Variants in RBFOX1 observed in about 807,000 individuals in gnomAD.
RBFOX1 encodes the protein RNA binding fox-1 homolog 1, also known as RNA binding protein fox-1 homolog 1.
Under a neutral mutation model 57.7 loss-of-function variants are expected in RBFOX1, and 8 were observed. The ratio of observed to expected loss-of-function variants is 0.14; its 90% confidence interval spans 0.08 to 0.25. The LOEUF is 0.25. Among genes scored for constraint, RBFOX1 ranks in the 10% least tolerant of loss-of-function variants. The probability of loss-of-function intolerance (pLI) is 1.00; values close to 1 mark genes in which losing one functional copy is unlikely to be tolerated. For missense variants in RBFOX1, 611 were observed against 548.5 expected (o/e 1.11, Z -1.14); for synonymous variants, 326 against 222.4 (o/e 1.47, Z -4.15).
intron 4 of RBFOX1, among the ~76,000 whole-genome samples, chr16:7,079,213 A>G (rs8051287): frequency 0.016 from 2,411 of 152,222 alleles, 71 homozygotes; most frequent in African/African-American, 0.055. Flanking sequence ...GCGGGACTGC[A>G]TATGTTTATT....
At chr16:6,555,425 C>T (rs951757147) in intron 2 of RBFOX1, among the ~76,000 whole-genome samples, 9 of 152,234 alleles carry the variant, frequency 5.9e-5, no homozygotes, top group Admixed American at 5.9e-4. Flanking sequence ...TCCAGCTGGG[C>T]ACGGTGGCTC....
chr16:7,419,925 C>CTTTTT lies in RBFOX1; in HGVS notation c.28-98207_28-98203dup, dbSNP rs367626244. On this transcript the variant is annotated intron_variant, in intron 4 of 15. Coordinates refer to ENST00000550418, the MANE Select transcript of RBFOX1 (RefSeq NM_018723.4). Reference sequence around the variant, plus strand: ...AAGGATCTGTTTTCTTTCTTTCTTCCTTTTTTTTTTTTTTTTTTTAATTGT... The same window carrying CTTTTT: ...AAGGATCTGTTTTCTTTCTTTCTTCCTTTTTTTTTTTTTTTTTTTTTTTTAATTGT... 8.8e-3 allele frequency among the ~76,000 whole-genome samples: 897 copies of CTTTTT among 101,408 alleles called. 11 individuals carry two copies. Among genetic ancestry groups the CTTTTT allele is most frequent in the African/African-American group, 0.035 (815 of 23,374 alleles). 66.5% of individuals were successfully genotyped at this position (101,408 alleles called of 152,430 possible).
intron 2 of RBFOX1, among the ~76,000 whole-genome samples, chr16:6,398,361 C>G (rs138102721): frequency 8.1e-4 from 124 of 152,294 alleles, no homozygotes; most frequent in Non-Finnish European, 1.4e-3. Context: ...TCCTTTTCAA[C>G]AGTCCCCCAA....
rs929678177 is a variant in RBFOX1 at position 5,990,846 on chromosome 16, C to T, written c.351+123511C>T. ...AAAATTAGCTGGGTGTGGTGGTGCA[C>T]GCCTGTAGTCCCATCTACTCGGGAG... is the stretch of plus-strand genomic sequence containing the variant. On this transcript the variant is annotated intron_variant, in intron 4 of 19. Transcript: ENST00000641259. Among the ~76,000 whole-genome samples, 50 of 152,132 alleles carry T rather than the reference C, an allele frequency of 3.3e-4. 1 individual carries two copies. Among genetic ancestry groups the T allele is most frequent in the South Asian group, 1.9e-3 (9 of 4,806 alleles).
chr16:6,010,031 T>C (rs2152337201), intron 4 of RBFOX1, among the ~76,000 whole-genome samples: 1 of 152,272 alleles, frequency 6.6e-6, no homozygotes, highest in African/African-American at 2.4e-5. Context: ...CTGGGGTTTT[T>C]CTTTCTTATC....
At chr16:7,433,547 G>T (rs1165308524) in intron 4 of RBFOX1, among the ~76,000 whole-genome samples, 1 of 152,230 alleles carries the variant, frequency 6.6e-6, no homozygotes. Context: ...CTGCATGGAG[G>T]AGGAGGCATC....
At chr16:5,341,709 A>C (rs908112457) in intron 1 of RBFOX1, among the ~76,000 whole-genome samples, 1 of 152,222 alleles carries the variant, frequency 6.6e-6, no homozygotes, top group African/African-American at 2.4e-5. Context: ...CCCTAGGTCC[A>C]TGCATCATAC....
chr16:5,292,291 T>C (rs2063554096), intron 1 of RBFOX1, among the ~76,000 whole-genome samples: 1 of 152,242 alleles, frequency 6.6e-6, no homozygotes, highest in African/African-American at 2.4e-5. Context: ...CAAGCACATT[T>C]GGCATTTCCA....
chr16:6,370,221 G>A (rs1264173267), intron 2 of RBFOX1, among the ~76,000 whole-genome samples: 1 of 151,788 alleles, frequency 6.6e-6, no homozygotes, highest in Non-Finnish European at 1.5e-5. Flanking sequence ...AGCTGGGCGG[G>A]GTGGCGGGCG....
intron 3 of RBFOX1, among the ~76,000 whole-genome samples, chr16:6,810,196 G>A (rs2088110968): frequency 6.6e-6 from 1 of 152,138 alleles, no homozygotes; most frequent in Non-Finnish European, 1.5e-5. Flanking sequence ...GCAACTTGGA[G>A]TGGATTGTTA....
chr16:7,158,466 C>T (rs8060732), intron 4 of RBFOX1, among the ~76,000 whole-genome samples: 135,483 of 152,278 alleles, frequency 0.89, 60,378 homozygotes, highest in East Asian at 1. Flanking sequence ...AATCTCCTGA[C>T]CTTTTTCAGA....
chr16:6,996,954 C>A (rs937143872), intron 3 of RBFOX1, among the ~76,000 whole-genome samples: 3 of 152,006 alleles, frequency 2.0e-5, no homozygotes, highest in Non-Finnish European at 4.4e-5. Flanking sequence ...AATAAATTAT[C>A]AAGAAAGTTT....
At chr16:5,552,326 C>A (rs1340939438) in intron 2 of RBFOX1, among the ~76,000 whole-genome samples, 1 of 152,200 alleles carries the variant, frequency 6.6e-6, no homozygotes, top group Non-Finnish European at 1.5e-5. Flanking sequence ...CAGAGTGTTT[C>A]TGCCTTATTT....
In RBFOX1 at chr16:7,595,138, C is replaced by T. The variant is rs1274579800; in HGVS notation, c.469-411C>T. Among the ~76,000 whole-genome samples, 39 of 152,148 alleles carry T rather than the reference C, an allele frequency of 2.6e-4. 3 individuals carry two copies. The highest frequency in any genetic ancestry group is 2.6e-3 in the Admixed American group (39 of 15,274). On this transcript the variant is annotated intron_variant, in intron 7 of 15. Transcript: ENST00000550418. ...TTGGCATTCATTGTTGAATTTCGTG[C>T]ACACGTTTTATTTTATTTTATTTTT...
intron 1 of RBFOX1, among the ~76,000 whole-genome samples, chr16:6,240,263 G>GTC: frequency 6.6e-6 from 1 of 152,266 alleles, no homozygotes; most frequent in East Asian, 1.9e-4. Flanking sequence ...CCAGTCTCAG[G>GTC]TATTTCTTTA....
chr16:5,416,633 T>C (rs929194522), intron 1 of RBFOX1, among the ~76,000 whole-genome samples: 1 of 152,190 alleles, frequency 6.6e-6, no homozygotes, highest in Admixed American at 6.5e-5. Flanking sequence ...ACTGCGTGAT[T>C]TGAAGTCTCT....
At chr16:5,929,070 A>G (rs2058994790) in intron 4 of RBFOX1, among the ~76,000 whole-genome samples, 1 of 151,404 alleles carries the variant, frequency 6.6e-6, no homozygotes, top group African/African-American at 2.4e-5. Flanking sequence ...AATCCTATTT[A>G]AACACACAGT....
intron 1 of RBFOX1, among the ~76,000 whole-genome samples, chr16:6,295,952 C>T (rs1287802727): frequency 6.6e-6 from 1 of 152,320 alleles, no homozygotes; most frequent in Admixed American, 6.5e-5. Flanking sequence ...ATTTTATTCA[C>T]ATATGTCTGT....
intron 3 of RBFOX1, among the ~76,000 whole-genome samples, chr16:5,782,334 G>C (rs950285357): frequency 4.6e-5 from 7 of 152,200 alleles, no homozygotes; most frequent in Admixed American, 2.0e-4. Flanking sequence ...ATCCAAGAAT[G>C]TTGTGTCCTC....
Sources: allele counts gnomAD v4.1 joint callset (sites outside exome capture counted in the v4.1 genomes callset), GRCh38; gene constraint gnomAD v4.1.1; transcripts MANE v1.5; gene names NCBI Gene and HGNC (gene_info 2026-07-23, HGNC 2026-07-21).